The following SLC25A44 variants were observed in gnomAD, a reference collection of about 807,000 sequenced individuals.
The protein encoded by SLC25A44 is solute carrier family 25 member 44, also known as solute carrier family 25, member 44.
Under a neutral mutation model 29.9 loss-of-function variants are expected in SLC25A44, and 17 were observed. The ratio of observed to expected loss-of-function variants is 0.57; its 90% CI spans 0.39 to 0.85. The LOEUF (loss-of-function observed/expected upper bound fraction) is 0.85. Among genes scored for constraint, SLC25A44 ranks in the 40% least tolerant of loss-of-function variants. SLC25A44 has a pLI of 0.00. For synonymous variants in SLC25A44, 140 were observed against 151.8 expected (o/e 0.92, Z 0.57); for missense variants, 302 against 398.4 (o/e 0.76, Z 2.06).
chr1:156,197,622 T>TGGCA (rs1477957260), intron 1 of SLC25A44: 2 of 152,088 alleles, frequency 1.3e-5, no homozygotes, highest in Non-Finnish European at 2.9e-5. Context: ...CCGGGCGTGG[T>TGGCA]GGCAGGCGCC....
intron 3 of SLC25A44, 45 bp from the exon 4 acceptor site, chr1:156,210,195 G>T: frequency 7.2e-7 from 1 of 1,388,848 alleles, no homozygotes; most frequent in Non-Finnish European, 9.8e-7. Flanking sequence ...GAGCAGAGGG[G>T]CTCTGACTAC....
chr1:156,209,430 C>T (rs546329740), intron 3 of SLC25A44, among the ~76,000 whole-genome samples: 3 of 152,054 alleles, frequency 2.0e-5, no homozygotes, highest in African/African-American at 7.2e-5. Flanking sequence ...AGGGCGGAAG[C>T]GGGGGATGTT....
rs1186401895 is a variant in SLC25A44 at position 156,211,876 on chromosome 1, G to C, written c.*1445G>C. 1 of 152,782 alleles carries C rather than the reference G, an allele frequency of 6.5e-6. No individual in the cohort carries two copies. Among genetic ancestry groups the C allele is most frequent in the Non-Finnish European group, 1.5e-5 (1 of 68,056 alleles). 9.5% of individuals were successfully genotyped at this position (152,782 alleles called of 1,614,324 possible). On this transcript the variant is annotated 3_prime_UTR_variant, in exon 4 of 4. Coordinates refer to ENST00000359511, the MANE Select transcript of SLC25A44 (RefSeq NM_014655.4). ...CCTATTGGTCCCACCCCCTGGGAAA[G>C]GCCATGGTGCCAGTTTGAAAGGTGC...
intron 2 of SLC25A44, among the ~76,000 whole-genome samples, chr1:156,203,584 A>ATCTTTT (rs905446863): frequency 4.9e-4 from 75 of 152,102 alleles, no homozygotes; most frequent in African/African-American, 1.8e-3. Context: ...GCCTGAGTTC[A>ATCTTTT]TCTTTTGCCT....
At chr1:156,205,829 T>C (rs185045262) in intron 2 of SLC25A44, among the ~76,000 whole-genome samples, 1 of 152,362 alleles carries the variant, frequency 6.6e-6, no homozygotes, top group East Asian at 1.9e-4. Flanking sequence ...GCTCTTTTAT[T>C]TACTGTTAAA....
rs749645750 is a variant in SLC25A44, at chr1:156,199,831, C to T, written c.-13-4C>T. 6.2e-7 allele frequency: 1 copy of T among 1,607,014 alleles called. No homozygotes were observed. Among genetic ancestry groups the T allele is most frequent in the South Asian group, 1.1e-5 (1 of 89,784 alleles). Reference sequence around the variant, plus strand: ...CACATCCCTCCATACTGCTCAAATCCCAGGTCTTCAGGCACCATGGAGGAC... The same window carrying T: ...CACATCCCTCCATACTGCTCAAATCTCAGGTCTTCAGGCACCATGGAGGAC... On this transcript the variant is annotated splice_polypyrimidine_tract_variant and splice_region_variant and intron_variant, in intron 1 of 3. Transcript: ENST00000359511.
rs1388593936 is a variant in SLC25A44, at chr1:156,211,467, T to G, written c.*1036T>G. On this transcript the variant is annotated 3_prime_UTR_variant, in exon 4 of 4. Transcript: ENST00000359511. ...CTAGGAGAGGGCAGTGGGTAGATTC[T>G]CTGCCCCAGGCAGCCATGACATACA... 1 of 152,388 alleles carries G rather than the reference T, an allele frequency of 6.6e-6. No individual in the cohort carries two copies. Among genetic ancestry groups the G allele is most frequent in the Non-Finnish European group, 1.5e-5 (1 of 68,062 alleles). 9.4% of individuals were successfully genotyped at this position (152,388 alleles called of 1,614,324 possible). A position where few individuals can be genotyped will look rare whatever the true frequency, so the allele number is the denominator to read the frequency against.
rs1656474425 is a variant in SLC25A44, at chr1:156,200,240, T to G, written c.393T>G (p.Asp131Glu). The G allele has an allele frequency of 6.2e-7, 1 of 1,614,070 alleles. No homozygotes were observed. The highest frequency in any genetic ancestry group is 1.3e-5 in the African/African-American group (1 of 74,928). ...LVAQSITVPI[D>E]VVSQHLMMQR... ...CCCAGAGCATCACAGTGCCCATTGA[T>G]GTAGTCTCCCAGCACCTGATGATGC... The change falls in exon 2 of 4, where the codon GAT becomes GAG. Residue 131 changes from aspartate to glutamate, a missense_variant. By Grantham distance (45) the Asp-to-Glu change is conservative. Coordinates refer to ENST00000359511, the MANE Select transcript of SLC25A44 (RefSeq NM_014655.4).
At chr1:156,204,011 T>TTC (rs1341796487) in intron 2 of SLC25A44, among the ~76,000 whole-genome samples, 1 of 131,632 alleles carries the variant, frequency 7.6e-6, no homozygotes, top group Non-Finnish European at 1.7e-5. Flanking sequence ...GCCCTTCTTC[T>TTC]TTTTTTTTTT....
At chr1:156,199,267 G>C (rs1405918483) in intron 1 of SLC25A44, 2 of 153,176 alleles carry the variant, frequency 1.3e-5, no homozygotes, top group Non-Finnish European at 2.9e-5. Flanking sequence ...TGCTGAGGGT[G>C]CAAGGCCACA....
intron 2 of SLC25A44, among the ~76,000 whole-genome samples, chr1:156,203,667 C>T (rs911123308): frequency 1.4e-5 from 2 of 141,110 alleles, no homozygotes; most frequent in Admixed American, 1.4e-4. Context: ...GTCCCTCCCT[C>T]CCTCCCTTCC....
chr1:156,206,398 C>T (rs1195249958), intron 2 of SLC25A44, among the ~76,000 whole-genome samples: 3 of 152,066 alleles, frequency 2.0e-5, no homozygotes, highest in African/African-American at 4.8e-5. Context: ...CCACCACGTC[C>T]GGTTAATTTT....
chr1:156,207,481 A>G (rs1657026760), intron 2 of SLC25A44, among the ~76,000 whole-genome samples: 1 of 152,026 alleles, frequency 6.6e-6, no homozygotes, highest in African/African-American at 2.4e-5. Context: ...GCCCGGCACT[A>G]CAAAACATTT....
intron 2 of SLC25A44, among the ~76,000 whole-genome samples, chr1:156,203,386 T>G (rs1296025763): frequency 6.6e-6 from 1 of 152,226 alleles, no homozygotes; most frequent in African/African-American, 2.4e-5. Context: ...TTGCAGTTAT[T>G]TTACCCCCAA....
chr1:156,208,642 C>T (rs1657106446), intron 3 of SLC25A44, among the ~76,000 whole-genome samples: 1 of 152,164 alleles, frequency 6.6e-6, no homozygotes, highest in South Asian at 2.1e-4. Flanking sequence ...ATTAGCATAG[C>T]CTATCAACGA....
rs374482970 is a variant in SLC25A44, at chr1:156,200,490, C to T, written c.625+18C>T. On this transcript the variant is annotated intron_variant, in intron 2 of 3. Transcript: ENST00000359511. ...CTATGCAGGTAAGCAGGGGCCAGGA[C>T]AGTGGGGGAGGAAGGTGGGATTTCT... is the stretch of plus-strand genomic sequence containing the variant. 6.4e-7 allele frequency: 1 copy of T among 1,572,824 alleles called. No individual in the cohort carries two copies. The highest frequency in any genetic ancestry group is 8.6e-7 in the Non-Finnish European group (1 of 1,158,558).
chr1:156,194,194 G>A lies in SLC25A44; in HGVS notation c.-67G>A, dbSNP rs1656066762. 1 of 152,854 alleles carries A rather than the reference G, an allele frequency of 6.5e-6. No homozygotes were observed. The highest frequency in any genetic ancestry group is 6.5e-5 in the Admixed American group (1 of 15,284). The allele number at this position is 152,854 out of a possible 1,614,324, so 9.5% of individuals were successfully genotyped here. ...GATAGACTGGGGGCTGCGGCCTAGA[G>A]GTCCGGGCTTGGAGTTCGCCTCAGA... On this transcript the variant is annotated 5_prime_UTR_variant, in exon 1 of 4. Transcript: ENST00000359511.
chr1:156,203,215 C>T (rs562412265), intron 2 of SLC25A44, among the ~76,000 whole-genome samples: 1 of 152,308 alleles, frequency 6.6e-6, no homozygotes, highest in East Asian at 1.9e-4. Flanking sequence ...CTTCTCTGCC[C>T]GGACACCCTT....
rs1459417657 is a variant in SLC25A44, at chr1:156,199,617, A to C, written c.-13-218A>C. 7.3e-6 allele frequency: 4 copies of C among 548,848 alleles called. No individual in the cohort carries two copies. In the Admixed American group the frequency reaches 1.0e-4, roughly 14 times the overall value. 34.0% of individuals were successfully genotyped at this position (548,848 alleles called of 1,614,324 possible). A position where few individuals can be genotyped will look rare whatever the true frequency, so the allele number is the denominator to read the frequency against. ...TCTGGAGGAGGGAAACTGAGTAAGG[A>C]AGGCCTGGCCAAGGACCAAGAAGGG... On this transcript the variant is annotated intron_variant, in intron 1 of 3. Transcript: ENST00000359511.
Sources: gnomAD v4.1 joint callset for allele counts (sites outside exome capture counted in the v4.1 genomes callset) on GRCh38, gnomAD v4.1.1 for gene constraint, MANE v1.5 for transcripts, NCBI Gene and HGNC (gene_info 2026-07-23, HGNC 2026-07-21) for gene names.